The following KANSL1L variants were observed in gnomAD, a reference collection of about 807,000 sequenced individuals.
KANSL1L encodes KAT8 regulatory NSL complex subunit 1-like protein.
In KANSL1L, 25 loss-of-function variants were observed where a neutral mutation model predicts 108.6. The ratio of observed to expected loss-of-function variants is 0.23; its 90% CI spans 0.17 to 0.32. The LOEUF (loss-of-function observed/expected upper bound fraction) is 0.32. Among genes scored for constraint, KANSL1L ranks in the 10% least tolerant of loss-of-function variants. KANSL1L has a pLI of 1.00. For missense variants in KANSL1L, 1,137 were observed against 1,125.7 expected (o/e 1.01, Z -0.14); for synonymous variants, 405 against 395.1 (o/e 1.03, Z -0.30).
intron 3 of KANSL1L, among the ~76,000 whole-genome samples, chr2:210,113,163 C>G (rs2094924741): frequency 1.3e-5 from 2 of 152,118 alleles, no homozygotes; most frequent in African/African-American, 4.8e-5. Flanking sequence ...ATTCCCTCCT[C>G]CTCTGGCAGA....
At chr2:210,093,141 CTGTTGT>C (rs201744572) in intron 5 of KANSL1L, among the ~76,000 whole-genome samples, 2 of 151,900 alleles carry the variant, frequency 1.3e-5, no homozygotes, top group Non-Finnish European at 2.9e-5. Context: ...TTCATTTTTG[CTGTTGT>C]TGTTGTTGTT....
chr2:210,158,081 C>T (rs2125660223), intron 1 of KANSL1L, among the ~76,000 whole-genome samples: 1 of 152,254 alleles, frequency 6.6e-6, no homozygotes. Flanking sequence ...AGGTAGCTTC[C>T]AAAATAACCT....
At chr2:210,029,423 T>G (rs1355591565) in intron 10 of KANSL1L, among the ~76,000 whole-genome samples, 1 of 152,066 alleles carries the variant, frequency 6.6e-6, no homozygotes, top group Non-Finnish European at 1.5e-5. Flanking sequence ...CCCTCCCACC[T>G]TTTGACCTCT....
intron 1 of KANSL1L, among the ~76,000 whole-genome samples, chr2:210,166,209 A>T (rs1393705787): frequency 6.6e-6 from 1 of 152,104 alleles, no homozygotes; most frequent in Admixed American, 6.5e-5. Context: ...ATACATATTT[A>T]TGAATTTAGC....
At chr2:210,083,829 C>CA (rs61456616) in intron 5 of KANSL1L, among the ~76,000 whole-genome samples, 13,424 of 52,242 alleles carry the variant, frequency 0.26, 1,798 homozygotes, top group African/African-American at 0.41. Flanking sequence ...GACTCCATCT[C>CA]AAAAAAAAAA....
chr2:210,152,811 T>G (rs1418358834), intron 2 of KANSL1L: 2 of 152,222 alleles, frequency 1.3e-5, no homozygotes, highest in African/African-American at 4.8e-5. Flanking sequence ...GCTCCCTATG[T>G]GCAGACTAAA....
At position 210,028,980 on chromosome 2, in the gene KANSL1L, G is replaced by T; in HGVS notation, c.2272-11C>A. The T allele has an allele frequency of 6.2e-7, 1 of 1,604,660 alleles. No individual in the cohort carries two copies. Among genetic ancestry groups the T allele is most frequent in the South Asian group, 1.1e-5 (1 of 89,538 alleles). On this transcript the variant is annotated splice_polypyrimidine_tract_variant and intron_variant, in intron 10 of 14. Transcript: ENST00000281772. Reference sequence around the variant, plus strand: ...CCGTCGTGCAGTATTCTGCAAAACAGGATTACAGTAGATTTACAGTACTGT... The same window carrying T: ...CCGTCGTGCAGTATTCTGCAAAACATGATTACAGTAGATTTACAGTACTGT...
At chr2:210,129,225 CA>C (rs767449531) in intron 2 of KANSL1L, 53 bp from the exon 3 acceptor site, 6 of 1,473,696 alleles carry the variant, frequency 4.1e-6, no homozygotes, top group East Asian at 2.5e-5. Context: ...TCAAGTTTCA[CA>C]AACACTGCTT....
chr2:210,136,597 A>G (rs950145421), intron 2 of KANSL1L, among the ~76,000 whole-genome samples: 1 of 152,192 alleles, frequency 6.6e-6, no homozygotes, highest in African/African-American at 2.4e-5. Context: ...CCAGGCAACC[A>G]TGTAATGTTT....
At chr2:210,095,624 T>A (rs964357169) in intron 5 of KANSL1L, among the ~76,000 whole-genome samples, 1 of 152,160 alleles carries the variant, frequency 6.6e-6, no homozygotes, top group East Asian at 1.9e-4. Flanking sequence ...TACAAAACAT[T>A]TTAATGAAAT....
chr2:210,062,339 C>CT (rs1377115940), intron 6 of KANSL1L, among the ~76,000 whole-genome samples: 2 of 152,192 alleles, frequency 1.3e-5, no homozygotes, highest in Non-Finnish European at 2.9e-5. Context: ...TATTAAATCT[C>CT]TTTTTTCCTC....
At chr2:210,093,828 C>A (rs1180374589) in intron 5 of KANSL1L, among the ~76,000 whole-genome samples, 1 of 152,116 alleles carries the variant, frequency 6.6e-6, no homozygotes. Flanking sequence ...CAGAAGCAAT[C>A]AAATATCTAT....
chr2:210,112,594 T>A (rs982035341), intron 3 of KANSL1L, among the ~76,000 whole-genome samples: 3 of 152,188 alleles, frequency 2.0e-5, no homozygotes, highest in Non-Finnish European at 4.4e-5. Context: ...AAAACTCCTT[T>A]CAGTGCATGT....
chr2:210,079,668 ATGTGTG>A (rs72150565), intron 5 of KANSL1L: 18 of 60,048 alleles, frequency 3.0e-4, no homozygotes, highest in African/African-American at 1.0e-3. Flanking sequence ...ATATATATGT[ATGTGTG>A]TATATATATA....
At chr2:210,079,648 ATATATATATATATATATG>A (rs2094570822) in intron 5 of KANSL1L, among the ~76,000 whole-genome samples, 1 of 15,216 alleles carries the variant, frequency 6.6e-5, no homozygotes, top group Non-Finnish European at 1.2e-4. Flanking sequence ...ATATATATAT[ATATATATATATATATATG>A]TATGTGTGTA....
chr2:210,104,135 G>A lies in KANSL1L; in HGVS notation c.1397C>T (p.Pro466Leu), dbSNP rs1408466235. Residue 466 changes from proline (P) to leucine (L), a missense_variant, in exon 4 of 15, where the codon CCT becomes CTT. Physicochemically the swap from Pro to Leu is moderately conservative, Grantham distance 98 (BLOSUM62 -3). This residue lies in a region of KANSL1L where 6 missense variants were observed against 20.9 expected (regional missense o/e 0.29). Transcript: ENST00000281772. ...EQDFEMSPSS[P>L]TLLLRNIEKQ... ...TTCGATGTTTCGAAGAAGTAAAGTAGGGCTGCTTGGTGACATTTCAAAATC... is the reference window on the plus strand; with the variant it reads ...TTCGATGTTTCGAAGAAGTAAAGTAAGGCTGCTTGGTGACATTTCAAAATC... 6.2e-7 allele frequency: 1 copy of A among 1,613,756 alleles called. No individual in the cohort carries two copies. Among genetic ancestry groups the A allele is most frequent in the Non-Finnish European group, 8.5e-7 (1 of 1,179,834 alleles).
At chr2:210,104,009 C>G (rs2094821689) in intron 4 of KANSL1L, 95 bp downstream of exon 4, 1 of 948,982 alleles carries the variant, frequency 1.1e-6, no homozygotes, top group Admixed American at 2.0e-5. Context: ...AACACATATG[C>G]CAGGAAGATA....
chr2:210,117,076 G>C (rs1001469648), intron 3 of KANSL1L, among the ~76,000 whole-genome samples: 1 of 152,062 alleles, frequency 6.6e-6, no homozygotes, highest in African/African-American at 2.4e-5. Flanking sequence ...AGAAATTCTG[G>C]AGCTGAAAAA....
chr2:210,167,061 T>G (rs1331401483), intron 1 of KANSL1L, among the ~76,000 whole-genome samples: 1 of 151,736 alleles, frequency 6.6e-6, no homozygotes, highest in African/African-American at 2.4e-5. Flanking sequence ...ATATGAGGAT[T>G]CAAAGTTACT....
Sources: allele counts gnomAD v4.1 joint callset (sites outside exome capture counted in the v4.1 genomes callset), GRCh38; gene constraint gnomAD v4.1.1; regional missense constraint gnomAD v4.1.1; transcripts MANE v1.5; gene names NCBI Gene and HGNC (gene_info 2026-07-23, HGNC 2026-07-21).